The following RALB variants were observed in gnomAD, a reference collection of about 807,000 sequenced individuals.
RALB encodes RAS like proto-oncogene B.
RALB carries 16 observed loss-of-function variants against 21.3 expected under a neutral mutation model. That is an observed-to-expected ratio of 0.75 (90% confidence interval 0.51 to 1.14). The LOEUF (loss-of-function observed/expected upper bound fraction) is 1.14. Ranked by LOEUF, RALB falls within the 50% of genes most tolerant of loss-of-function variation. The pLI, the probability that RALB is intolerant of heterozygous loss-of-function variation, is 0.00. For synonymous variants in RALB, 93 were observed against 96.1 expected (o/e 0.97, Z 0.19); for missense variants, 161 against 256.2 (o/e 0.63, Z 2.54).
chr2:120,291,644 C>T (rs534414364), intron 4 of RALB, among the ~76,000 whole-genome samples: 1 of 152,324 alleles, frequency 6.6e-6, no homozygotes, highest in African/African-American at 2.4e-5. Flanking sequence ...AGCCCATGAA[C>T]AACTTTGTCA....
chr2:120,260,244 T>C (rs1026224723), intron 1 of RALB, among the ~76,000 whole-genome samples: 3 of 152,068 alleles, frequency 2.0e-5, no homozygotes, highest in African/African-American at 7.2e-5. Context: ...GCCACCAAAG[T>C]GGGAGCCCAG....
In RALB at chr2:120,294,403, A is replaced by C. The variant is rs753138798; in HGVS notation, c.*1143A>C. 2.5e-6 allele frequency: 1 copy of C among 397,940 alleles called. No individual in the cohort carries two copies. Among genetic ancestry groups the C allele is most frequent in the Non-Finnish European group, 4.4e-6 (1 of 225,830 alleles). The allele number at this position is 397,940 out of a possible 1,614,324, so 24.7% of individuals were successfully genotyped here. On this transcript the variant is annotated 3_prime_UTR_variant, in exon 5 of 5. Coordinates refer to ENST00000272519, the MANE Select transcript of RALB (RefSeq NM_002881.3). The stretch of plus-strand genomic sequence containing the variant: ...CTAAGATAGCCAGATAGTTAGAAAA[A>C]GATTTTCATTGATGACATATCTTTA...
intron 1 of RALB, among the ~76,000 whole-genome samples, chr2:120,272,094 G>A (rs750743696): frequency 1.3e-5 from 2 of 152,146 alleles, no homozygotes; most frequent in Non-Finnish European, 2.9e-5. Flanking sequence ...TCTGAGACAG[G>A]GCACCAGCAT....
chr2:120,288,977 CT>C (rs2104662571), intron 3 of RALB, among the ~76,000 whole-genome samples: 1 of 152,236 alleles, frequency 6.6e-6, no homozygotes, highest in South Asian at 2.1e-4. Context: ...CAATATTCAC[CT>C]TTCCTACTTG....
chr2:120,255,953 A>G (rs1689189320), intron 1 of RALB, among the ~76,000 whole-genome samples: 1 of 99,368 alleles, frequency 1.0e-5, no homozygotes, highest in Non-Finnish European at 2.2e-5. Flanking sequence ...GATGAAGGAA[A>G]TATAGTAGTT....
chr2:120,261,583 G>A (rs533805089), intron 1 of RALB, among the ~76,000 whole-genome samples: 1 of 152,288 alleles, frequency 6.6e-6, no homozygotes, highest in South Asian at 2.1e-4. Context: ...TGCATTGAGA[G>A]TGGAGTGCTG....
Position 120,289,686 on chromosome 2 carries a change from A to C in RALB, c.430A>C (p.Arg144=). 6.2e-7 allele frequency: 1 copy of C among 1,614,210 alleles called. No individual in the cohort carries two copies. Among genetic ancestry groups the C allele is most frequent in the South Asian group, 1.1e-5 (1 of 91,084 alleles). Residue 144 remains arginine, a synonymous_variant, in exon 4 of 5, where the codon AGG becomes CGG. Coordinates refer to ENST00000272519, the MANE Select transcript of RALB (RefSeq NM_002881.3). The part of the protein sequence containing the change: ...ERRQVPVEEA[R]SKAEEWGVQY... ...GAGGCAGGTGCCTGTGGAGGAGGCC[A>C]GGAGTAAAGCCGAAGAGTGGGGCGT...
chr2:120,260,919 T>C (rs1689350371), intron 1 of RALB, among the ~76,000 whole-genome samples: 1 of 152,164 alleles, frequency 6.6e-6, no homozygotes, highest in Admixed American at 6.5e-5. Flanking sequence ...ATTGGAATGG[T>C]TTCCGTAAAT....
chr2:120,259,042 T>C (rs1689274064), intron 1 of RALB, among the ~76,000 whole-genome samples: 1 of 151,952 alleles, frequency 6.6e-6, no homozygotes, highest in African/African-American at 2.4e-5. Flanking sequence ...TCTGGAGTTG[T>C]TCGTTCCTCC....
At chr2:120,292,253 G>A (rs993001017) in intron 4 of RALB, among the ~76,000 whole-genome samples, 4 of 152,158 alleles carry the variant, frequency 2.6e-5, no homozygotes, top group Non-Finnish European at 2.9e-5. Context: ...GTGGGGGAGT[G>A]TGTGTGGGGA....
At chr2:120,250,802 G>A (rs763062306), upstream of RALB, among the ~76,000 whole-genome samples, 23 of 152,098 alleles carry the variant, frequency 1.5e-4, no homozygotes, top group Admixed American at 5.9e-4. Flanking sequence ...CCCTTCTCCC[G>A]TTGGGACACG....
chr2:120,269,144 C>T (rs1186953198), intron 1 of RALB, among the ~76,000 whole-genome samples: 2 of 152,276 alleles, frequency 1.3e-5, no homozygotes, highest in South Asian at 2.1e-4. Flanking sequence ...GGTTCATCGT[C>T]TTGCTGACTT....
At chr2:120,275,538 G>A (rs1287588261) in intron 1 of RALB, among the ~76,000 whole-genome samples, 1 of 152,220 alleles carries the variant, frequency 6.6e-6, no homozygotes, top group African/African-American at 2.4e-5. Flanking sequence ...GGACCCAGGT[G>A]TAAGGATGTT....
chr2:120,270,573 C>T (rs966792253), intron 1 of RALB, among the ~76,000 whole-genome samples: 2 of 151,638 alleles, frequency 1.3e-5, no homozygotes, highest in African/African-American at 2.4e-5. Context: ...TTTGTAAGGC[C>T]GGAACAGGGA....
At chr2:120,242,985 A>C (rs570443542) in intron 1 of RALB, among the ~76,000 whole-genome samples, 3 of 152,328 alleles carry the variant, frequency 2.0e-5, no homozygotes, top group East Asian at 1.9e-4. Context: ...CCAAATTGGC[A>C]TGGTGCCCTT....
At chr2:120,253,159 C>T in intron 1 of RALB, 179 bp downstream of exon 1, 7 of 370,874 alleles carry the variant, frequency 1.9e-5, no homozygotes, top group Non-Finnish European at 2.6e-5. Flanking sequence ...CCGCTCCGCT[C>T]CGGGAGGACT....
At chr2:120,262,780 A>T (rs1174325903) in intron 1 of RALB, among the ~76,000 whole-genome samples, 3 of 152,228 alleles carry the variant, frequency 2.0e-5, no homozygotes, top group African/African-American at 7.2e-5. Flanking sequence ...CCCATTGGTT[A>T]TGCCTCTAAG....
chr2:120,259,365 C>T (rs1689286103), intron 1 of RALB, among the ~76,000 whole-genome samples: 1 of 152,160 alleles, frequency 6.6e-6, no homozygotes, highest in Admixed American at 6.5e-5. Flanking sequence ...AGGTTCTCCA[C>T]GTCCCCATCA....
At chr2:120,285,153 CAT>C (rs1690099117) in intron 2 of RALB, among the ~76,000 whole-genome samples, 2 of 152,076 alleles carry the variant, frequency 1.3e-5, no homozygotes, top group Non-Finnish European at 2.9e-5. Flanking sequence ...GGGGAGCAAA[CAT>C]GTCCTTCACA....
Sources: gnomAD v4.1 joint callset for allele counts (sites outside exome capture counted in the v4.1 genomes callset) on GRCh38, gnomAD v4.1.1 for gene constraint, MANE v1.5 for transcripts, NCBI Gene and HGNC (gene_info 2026-07-23, HGNC 2026-07-21) for gene names.